The following HMBOX1 variants were observed in gnomAD, a reference collection of about 807,000 sequenced individuals.
The protein encoded by HMBOX1 is homeobox containing 1, also known as homeobox-containing protein 1.
Under a neutral mutation model 54.5 loss-of-function variants are expected in HMBOX1, and 14 were observed. The observed-to-expected ratio is 0.26, with a 90% CI of 0.17 to 0.40. The LOEUF (loss-of-function observed/expected upper bound fraction) is 0.40, where lower values mean the gene tolerates loss of function less well. Among genes scored for constraint, HMBOX1 ranks in the 10% least tolerant of loss-of-function variants. The pLI, the probability that HMBOX1 is intolerant of heterozygous loss-of-function variation, is 1.00. For missense variants in HMBOX1, 332 were observed against 514.4 expected, an observed-to-expected ratio of 0.65 and a Z score of 3.43; for synonymous variants, 160 against 181.0, an observed-to-expected ratio of 0.88 and a Z score of 0.93.
At chr8:28,961,757 C>G (rs1019208633) in intron 1 of HMBOX1, among the ~76,000 whole-genome samples, 1 of 152,098 alleles carries the variant, frequency 6.6e-6, no homozygotes, top group Admixed American at 6.6e-5. Flanking sequence ...AACTGCCATA[C>G]TGTTTTCCAT....
At chr8:28,949,254 A>T (rs866627635) in intron 1 of HMBOX1, among the ~76,000 whole-genome samples, 2 of 152,186 alleles carry the variant, frequency 1.3e-5, no homozygotes, top group Non-Finnish European at 2.9e-5. Context: ...GCTAAGCAAC[A>T]TAGAGATGTT....
intron 1 of HMBOX1, among the ~76,000 whole-genome samples, chr8:28,919,972 TG>T (rs1201448268): frequency 5.5e-5 from 1 of 18,110 alleles, no homozygotes; most frequent in African/African-American, 1.8e-4. Flanking sequence ...AGTGAAGTTT[TG>T]TGTGTGTGTG....
At chr8:29,010,194 T>C in intron 5 of HMBOX1, 6 of 924,144 alleles carry the variant, frequency 6.5e-6, no homozygotes, top group Non-Finnish European at 3.9e-6. Context: ...TATTTTGAAA[T>C]GTTTCAGATG....
rs1486298028 is a variant in HMBOX1 at position 29,052,770 on chromosome 8, A to T, written c.*1615A>T. 6.6e-5 allele frequency: 10 copies of T among 152,200 alleles called. No homozygotes were observed. 9.4% of individuals were successfully genotyped at this position (152,200 alleles called of 1,614,324 possible). A position where few individuals can be genotyped will look rare whatever the true frequency, so the allele number is the denominator to read the frequency against. On this transcript the variant is annotated 3_prime_UTR_variant, in exon 10 of 10. Coordinates refer to ENST00000287701, the MANE Select transcript of HMBOX1 (RefSeq NM_001135726.3). ...TAGCAGCACAGGGTGCGCCTGAAAG[A>T]GGCACAACTGCTGTGGATTTTCTGC...
chr8:29,001,172 A>AGG (rs1832582992), intron 4 of HMBOX1, among the ~76,000 whole-genome samples: 1 of 152,238 alleles, frequency 6.6e-6, no homozygotes, highest in Non-Finnish European at 1.5e-5. Context: ...CAAACATACA[A>AGG]GGGTTGAAAA....
chr8:29,049,095 G>T lies in HMBOX1; in HGVS notation c.1125+47G>T, dbSNP rs201036553. 6 of 1,565,746 alleles carry T rather than the reference G, an allele frequency of 3.8e-6. No homozygotes were observed. The East Asian group carries it at 6.7e-5, about 18-fold the overall frequency. Reference sequence around the variant, plus strand: ...CGAGGTTCTTGGTGCCTGAGCAGGGGGTATAGTGGGACAGCTTAGTTCCTT... The same window carrying T: ...CGAGGTTCTTGGTGCCTGAGCAGGGTGTATAGTGGGACAGCTTAGTTCCTT... On this transcript the variant is annotated intron_variant, in intron 9 of 9. Transcript: ENST00000287701.
At chr8:28,960,826 C>T (rs1420669248) in intron 1 of HMBOX1, among the ~76,000 whole-genome samples, 1 of 112,202 alleles carries the variant, frequency 8.9e-6, no homozygotes, top group African/African-American at 3.5e-5. Context: ...CTTGCTCTGT[C>T]GCCAGGCTGG....
At position 28,936,939 on chromosome 8, in the gene HMBOX1, C is replaced by G. The variant is rs79186586; in HGVS notation, c.-57-26872C>G. ...AATATAGAATTTTGTTCAATTAATA[C>G]AATTAAAGTACAATATTGTTCTTCA... On this transcript the variant is annotated intron_variant, in intron 1 of 9. Transcript: ENST00000287701. Among the ~76,000 whole-genome samples, 658 of 151,654 alleles carry G rather than the reference C, an allele frequency of 4.3e-3. 7 individuals are homozygous for G. The highest frequency in any genetic ancestry group is 7.1e-3 in the Non-Finnish European group (482 of 67,902).
intron 1 of HMBOX1, among the ~76,000 whole-genome samples, chr8:28,927,142 T>C (rs941691617): frequency 6.6e-6 from 1 of 151,960 alleles, no homozygotes; most frequent in African/African-American, 2.4e-5. Context: ...ATAATCAGAT[T>C]GCTTGAAATA....
chr8:28,953,222 T>G (rs1362465712), intron 1 of HMBOX1, among the ~76,000 whole-genome samples: 1 of 152,234 alleles, frequency 6.6e-6, no homozygotes, highest in African/African-American at 2.4e-5. Flanking sequence ...TCATTTTTAA[T>G]TCCTGTTTCT....
chr8:29,018,751 T>C lies in HMBOX1; in HGVS notation c.698-9T>C. 1 of 1,610,086 alleles carries C rather than the reference T, an allele frequency of 6.2e-7. No homozygotes were observed. Among genetic ancestry groups the C allele is most frequent in the Non-Finnish European group, 8.5e-7 (1 of 1,177,656 alleles). ...AAGATATTTGCTAAAAGTGTCTTGT[T>C]TATTTCAGGCGCTACACTAAGTATG... On this transcript the variant is annotated splice_polypyrimidine_tract_variant and intron_variant, in intron 5 of 9. Coordinates refer to ENST00000287701, the MANE Select transcript of HMBOX1 (RefSeq NM_001135726.3).
intron 1 of HMBOX1, 24 bp from the exon 2 acceptor site, chr8:28,963,787 C>G (rs1297905955): frequency 7.7e-6 from 9 of 1,168,750 alleles, no homozygotes; most frequent in Non-Finnish European, 1.1e-5. Context: ...AAATGTTTCT[C>G]AATTTTCTAT....
intron 4 of HMBOX1, among the ~76,000 whole-genome samples, chr8:28,987,879 A>T (rs914353005): frequency 6.6e-6 from 1 of 152,192 alleles, no homozygotes; most frequent in Admixed American, 6.5e-5. Flanking sequence ...ATATCATTTG[A>T]TTCTCACAAA....
chr8:28,905,347 A>ACACG (rs1215455469), intron 1 of HMBOX1, among the ~76,000 whole-genome samples: 1 of 152,132 alleles, frequency 6.6e-6, no homozygotes, highest in African/African-American at 2.4e-5. Context: ...ATGCGCACAC[A>ACACG]CACGCACGCA....
At chr8:29,008,906 GCAGT>G (rs1833840613) in intron 4 of HMBOX1, among the ~76,000 whole-genome samples, 162 bp from the exon 5 acceptor site, 1 of 152,188 alleles carries the variant, frequency 6.6e-6, no homozygotes, top group African/African-American at 2.4e-5. Flanking sequence ...CCTAGCCAGT[GCAGT>G]CAGTCTTTAC....
At chr8:28,930,556 T>C (rs547782137) in intron 1 of HMBOX1, among the ~76,000 whole-genome samples, 1 of 152,204 alleles carries the variant, frequency 6.6e-6, no homozygotes, top group Admixed American at 6.5e-5. Context: ...CAAATATCAC[T>C]GTGGTTGTTA....
intron 4 of HMBOX1, among the ~76,000 whole-genome samples, chr8:28,990,614 C>T (rs1830836537): frequency 6.6e-6 from 1 of 151,924 alleles, no homozygotes; most frequent in Non-Finnish European, 1.5e-5. Context: ...GTTTTACTTC[C>T]TGTGTTCTTT....
chr8:28,967,491 G>A (rs1826630404), intron 2 of HMBOX1, among the ~76,000 whole-genome samples: 1 of 152,148 alleles, frequency 6.6e-6, no homozygotes, highest in Non-Finnish European at 1.5e-5. Context: ...TGCTAATACA[G>A]AGTGCTGCTC....
chr8:29,011,408 TG>T (rs1834204725), intron 5 of HMBOX1, among the ~76,000 whole-genome samples: 1 of 152,262 alleles, frequency 6.6e-6, no homozygotes. Context: ...ACTTTGCCCC[TG>T]GATGAATATC....
Sources: allele counts gnomAD v4.1 joint callset (sites outside exome capture counted in the v4.1 genomes callset), GRCh38; gene constraint gnomAD v4.1.1; transcripts MANE v1.5; gene names NCBI Gene and HGNC (gene_info 2026-07-23, HGNC 2026-07-21).